METTL25: variants seen among roughly 807,000 people sequenced by gnomAD.
METTL25 encodes probable methyltransferase-like protein 25.
A neutral mutation model predicts 71.6 loss-of-function variants in METTL25; 64 were observed. The ratio of observed to expected loss-of-function variants is 0.89; its 90% CI spans 0.73 to 1.10. The LOEUF (loss-of-function observed/expected upper bound fraction) is 1.10. METTL25 is among the 50% of genes least tolerant of loss of function. METTL25 has a pLI of 0.00. For missense variants in METTL25, 807 were observed against 707.0 expected, an observed-to-expected ratio of 1.14 and a Z score of -1.60; for synonymous variants, 287 against 250.3, an observed-to-expected ratio of 1.15 and a Z score of -1.38.
chr12:82,359,517 A>C (rs1881520408), intron 1 of METTL25, among the ~76,000 whole-genome samples: 1 of 152,248 alleles, frequency 6.6e-6, no homozygotes, highest in South Asian at 2.1e-4. Context: ...TTGAAAAGAT[A>C]ACTGTGAATT....
At chr12:82,422,801 T>C (rs1201492027) in intron 5 of METTL25, among the ~76,000 whole-genome samples, 1 of 152,084 alleles carries the variant, frequency 6.6e-6, no homozygotes, top group African/African-American at 2.4e-5. Flanking sequence ...TCACAATTGC[T>C]TCAAAGAGAA....
At chr12:82,460,380 A>G (rs568447209) in intron 9 of METTL25, among the ~76,000 whole-genome samples, 1 of 152,100 alleles carries the variant, frequency 6.6e-6, no homozygotes, top group African/African-American at 2.4e-5. Flanking sequence ...TGGCCTGTGC[A>G]TAGTGACTTT....
At chr12:82,389,474 G>T (rs1885369450) in intron 2 of METTL25, among the ~76,000 whole-genome samples, 1 of 151,952 alleles carries the variant, frequency 6.6e-6, no homozygotes, top group Non-Finnish European at 1.5e-5. Context: ...CAAATTCTCT[G>T]TAGATATATG....
At position 82,446,564 on chromosome 12, in the gene METTL25, A is replaced by G. The variant is rs539459594; in HGVS notation, c.1478+7773A>G. Among the ~76,000 whole-genome samples the G allele has an allele frequency of 1.1e-4, 16 of 152,214 alleles. No homozygotes were observed. In the South Asian group the frequency reaches 3.3e-3, roughly 32 times the overall value. On this transcript the variant is annotated intron_variant, in intron 8 of 11. Coordinates refer to ENST00000248306, the MANE Select transcript of METTL25 (RefSeq NM_032230.3). ...TGGAAATTAAACAACATGACCCTGA[A>G]TGACCAACGGGTCAATTAAGAAGTT...
chr12:82,406,482 G>T (rs1371045733), intron 5 of METTL25, among the ~76,000 whole-genome samples: 1 of 151,892 alleles, frequency 6.6e-6, no homozygotes, highest in Non-Finnish European at 1.5e-5. Context: ...TAGTCTTTCT[G>T]TATCAGCACA....
At chr12:82,365,453 G>A (rs1236174224) in intron 1 of METTL25, among the ~76,000 whole-genome samples, 1 of 152,146 alleles carries the variant, frequency 6.6e-6, no homozygotes, top group Non-Finnish European at 1.5e-5. Flanking sequence ...CAGCAAAAAA[G>A]CCAGTAGAGA....
chr12:82,381,443 C>CT (rs1884433759), intron 1 of METTL25, among the ~76,000 whole-genome samples: 1 of 152,152 alleles, frequency 6.6e-6, no homozygotes, highest in African/African-American at 2.4e-5. Context: ...TTTATTCCTT[C>CT]TAAGAGCATG....
chr12:82,413,253 G>C (rs1040933938), intron 5 of METTL25, among the ~76,000 whole-genome samples: 6 of 151,852 alleles, frequency 4.0e-5, no homozygotes, highest in African/African-American at 1.2e-4. Flanking sequence ...TGGGCCATAA[G>C]TATCAATAAA....
At chr12:82,387,196 G>A (rs1222730973) in intron 2 of METTL25, among the ~76,000 whole-genome samples, 3 of 151,944 alleles carry the variant, frequency 2.0e-5, no homozygotes, top group Non-Finnish European at 4.4e-5. Context: ...TGTAACTCTT[G>A]TAACTTCTAC....
intron 10 of METTL25, among the ~76,000 whole-genome samples, 196 bp downstream of exon 10, chr12:82,476,914 T>TA (rs1274187988): frequency 6.6e-6 from 1 of 151,812 alleles, no homozygotes; most frequent in East Asian, 1.9e-4. Flanking sequence ...AGATTTCTCT[T>TA]AAAAAAGTAT....
intron 9 of METTL25, among the ~76,000 whole-genome samples, chr12:82,474,164 T>C (rs1329052738): frequency 1.3e-5 from 2 of 152,116 alleles, no homozygotes; most frequent in Non-Finnish European, 2.9e-5. Context: ...GAAAGGATGG[T>C]AAGTGTTTGT....
chr12:82,361,094 C>A (rs1881803835), intron 1 of METTL25, among the ~76,000 whole-genome samples: 1 of 152,136 alleles, frequency 6.6e-6, no homozygotes, highest in Non-Finnish European at 1.5e-5. Flanking sequence ...TGACCCCACC[C>A]ACATCCTGCC....
chr12:82,372,602 A>AT (rs2098712075), intron 1 of METTL25, among the ~76,000 whole-genome samples: 1 of 152,144 alleles, frequency 6.6e-6, no homozygotes, highest in Non-Finnish European at 1.5e-5. Flanking sequence ...TCAGGTGGCC[A>AT]TTTTTCCCCA....
At chr12:82,454,204 T>A (rs1891330920) in intron 8 of METTL25, among the ~76,000 whole-genome samples, 1 of 152,004 alleles carries the variant, frequency 6.6e-6, no homozygotes, top group African/African-American at 2.4e-5. Flanking sequence ...AGAGAGAGTA[T>A]GTGAAGGAAA....
At chr12:82,387,900 C>T (rs1344721450) in intron 2 of METTL25, among the ~76,000 whole-genome samples, 1 of 152,032 alleles carries the variant, frequency 6.6e-6, no homozygotes, top group Non-Finnish European at 1.5e-5. Context: ...AATAAGCAGT[C>T]TCTATTCAAG....
chr12:82,399,255 T>G lies in METTL25; in HGVS notation c.992T>G (p.Ile331Arg), dbSNP rs774821544. ...GTAGAGCCTACTTCTTCACAGCAAA[T>G]ACCCAACAGAGAAACATCTGAAGCC... ...NAVEPTSSQQ[I>R]PNRETSEANK... The change falls in exon 4 of 12, where the codon ATA becomes AGA. Residue 331 changes from isoleucine (I) to arginine (R), a missense_variant. Transcript: ENST00000248306. 1.9e-6 allele frequency: 3 copies of G among 1,613,552 alleles called. No individual in the cohort carries two copies. The highest frequency in any genetic ancestry group is 2.7e-5 in the African/African-American group (2 of 74,906).
chr12:82,408,862 G>A (rs1887323279), intron 5 of METTL25, among the ~76,000 whole-genome samples: 1 of 152,044 alleles, frequency 6.6e-6, no homozygotes, highest in Non-Finnish European at 1.5e-5. Context: ...AATATATCAA[G>A]CACTAGGTTC....
At chr12:82,474,956 A>G (rs934357363) in intron 9 of METTL25, among the ~76,000 whole-genome samples, 1 of 152,204 alleles carries the variant, frequency 6.6e-6, no homozygotes, top group Non-Finnish European at 1.5e-5. Context: ...ACGGTTACAG[A>G]TCTCAGACAA....
chr12:82,366,490 GT>G (rs1177632908), intron 1 of METTL25, among the ~76,000 whole-genome samples: 1 of 152,084 alleles, frequency 6.6e-6, no homozygotes, highest in Non-Finnish European at 1.5e-5. Flanking sequence ...TGATCATCTG[GT>G]GTAATTATTT....
Sources: gnomAD v4.1 joint callset for allele counts (sites outside exome capture counted in the v4.1 genomes callset) on GRCh38, gnomAD v4.1.1 for gene constraint, MANE v1.5 for transcripts, NCBI Gene and HGNC (gene_info 2026-07-23, HGNC 2026-07-21) for gene names.